FHIT: variants seen among roughly 807,000 people sequenced by gnomAD.
FHIT encodes the protein bis(5'-adenosyl)-triphosphatase.
A neutral mutation model predicts 17.9 loss-of-function variants in FHIT; 19 were observed. That is an observed-to-expected ratio of 1.06 (90% confidence interval 0.74 to 1.56). FHIT has a LOEUF of 1.56. FHIT is among the 40% of genes most tolerant of loss of function. FHIT has a pLI of 0.00. For missense variants in FHIT, 248 were observed against 189.2 expected (o/e 1.31, Z -1.82); for synonymous variants, 81 against 69.7 (o/e 1.16, Z -0.81).
intron 5 of FHIT, chr3:60,077,331 G>C (rs1703056811): frequency 1.3e-5 from 2 of 151,874 alleles, no homozygotes; most frequent in Non-Finnish European, 2.9e-5. Context: ...TACTCACAGA[G>C]AGGCTGAAGC....
intron 8 of FHIT, among the ~76,000 whole-genome samples, chr3:59,805,385 A>G (rs1407002255): frequency 2.6e-5 from 4 of 152,204 alleles, no homozygotes; most frequent in African/African-American, 9.6e-5. Flanking sequence ...AGCTAAAGGA[A>G]TGTGAGAAGG....
rs529168163 is a variant in FHIT, at chr3:59,780,758, G to A, written c.349-28437C>T. On this transcript the variant is annotated intron_variant, in intron 8 of 9. Coordinates refer to ENST00000492590, the MANE Select transcript of FHIT (RefSeq NM_002012.4). ...GAAGCAGGGTCCTAACCAACACCCC[G>A]ACCATGTTAGCGCCCTGATATTGGA... Among the ~76,000 whole-genome samples the A allele has an allele frequency of 3.9e-5, 6 of 152,238 alleles. No individual in the cohort carries two copies. In the South Asian group the frequency reaches 1.0e-3, roughly 26 times the overall value.
chr3:61,019,293 G>A lies in FHIT; in HGVS notation c.-111+22754C>T, dbSNP rs17064316. Among the ~76,000 whole-genome samples the A allele has an allele frequency of 9.4e-3, 1,425 of 152,214 alleles. 17 individuals carry two copies. The highest frequency in any genetic ancestry group is 0.032 in the African/African-American group (1,333 of 41,518). On this transcript the variant is annotated intron_variant, in intron 3 of 9. Transcript: ENST00000492590. ...TTGGTTATAAAGAATTATATTAGTC[G>A]GGTTTAAAACGTATTTGGAAAGTTC... is the stretch of plus-strand genomic sequence containing the variant.
At chr3:60,521,983 CA>C (rs143552355) in intron 5 of FHIT, among the ~76,000 whole-genome samples, 2,256 of 151,684 alleles carry the variant, frequency 0.015, 20 homozygotes, top group Middle Eastern at 0.031. Context: ...TAAGTGATGA[CA>C]AGGGAACAGG....
rs139339409 is a variant in FHIT, at chr3:61,049,658, A to G, written c.-163-7559T>C. On this transcript the variant is annotated intron_variant, in intron 2 of 9. Transcript: ENST00000492590. Reference sequence around the variant, plus strand: ...AAGTATTCTTGCCTAAAAAATCTCTATAAAATCTAGCCAAGACTCCAGACT... The same window carrying G: ...AAGTATTCTTGCCTAAAAAATCTCTGTAAAATCTAGCCAAGACTCCAGACT... Among the ~76,000 whole-genome samples the G allele has an allele frequency of 8.5e-5, 13 of 152,264 alleles. No homozygotes were observed. In the East Asian group the frequency reaches 1.7e-3, roughly 20 times the overall value.
At chr3:60,633,129 A>G (rs540062370) in intron 4 of FHIT, among the ~76,000 whole-genome samples, 1 of 152,372 alleles carries the variant, frequency 6.6e-6, no homozygotes, top group Admixed American at 6.5e-5. Context: ...TAAGAAATAA[A>G]TAACCTTCAA....
chr3:60,667,092 A>G (rs1194147104), intron 4 of FHIT, among the ~76,000 whole-genome samples: 2 of 134,510 alleles, frequency 1.5e-5, no homozygotes, highest in African/African-American at 3.0e-5. Flanking sequence ...GCTGGTCTTG[A>G]ACTCCTGAGC....
chr3:61,166,414 C>T (rs2037840184), intron 2 of FHIT, among the ~76,000 whole-genome samples: 1 of 152,214 alleles, frequency 6.6e-6, no homozygotes, highest in Non-Finnish European at 1.5e-5. Flanking sequence ...GAAACAAACA[C>T]TCACCAGACA....
chr3:60,863,091 G>T (rs34220367), intron 3 of FHIT, among the ~76,000 whole-genome samples: 30,329 of 152,072 alleles, frequency 0.2, 3,237 homozygotes, highest in Middle Eastern at 0.27. Context: ...GAGCTATGCT[G>T]CAGAGGGAAA....
intron 9 of FHIT, chr3:59,751,905 C>T: frequency 3.4e-6 from 1 of 291,170 alleles, no homozygotes; most frequent in Non-Finnish European, 6.4e-6. Flanking sequence ...AGAAGTTGTG[C>T]ATGACAGAAG....
intron 5 of FHIT, among the ~76,000 whole-genome samples, chr3:60,379,996 G>A (rs566028476): frequency 6.6e-6 from 1 of 152,236 alleles, no homozygotes; most frequent in Non-Finnish European, 1.5e-5. Context: ...CTAAAATTTA[G>A]ACAGGAGGTT....
At chr3:60,544,249 T>C (rs2107612586) in intron 4 of FHIT, among the ~76,000 whole-genome samples, 1 of 151,618 alleles carries the variant, frequency 6.6e-6, no homozygotes, top group South Asian at 2.1e-4. Flanking sequence ...TTAAACTTCT[T>C]TTTTTTTGTA....
rs144373361 is a variant in FHIT at position 60,019,505 on chromosome 3, G to A, written c.104-5353C>T. ...ACAATCTCAGCTCAGTGCAACCTCT[G>A]CTTCCTGGGTTCAAGTGATTCTCCT... On this transcript the variant is annotated intron_variant, in intron 5 of 9. Transcript: ENST00000492590. Among the ~76,000 whole-genome samples, 894 of 147,990 alleles carry A rather than the reference G, an allele frequency of 6.0e-3. 13 individuals are homozygous for A. The highest frequency in any genetic ancestry group is 0.021 in the African/African-American group (853 of 40,026).
intron 5 of FHIT, among the ~76,000 whole-genome samples, chr3:60,137,345 C>T (rs2107287278): frequency 6.6e-6 from 1 of 152,274 alleles, no homozygotes; most frequent in Admixed American, 6.5e-5. Context: ...CCCAGGAACA[C>T]ACAATGCATT....
chr3:60,256,109 A>G (rs1388748639), intron 5 of FHIT, among the ~76,000 whole-genome samples: 1 of 152,126 alleles, frequency 6.6e-6, no homozygotes, highest in Non-Finnish European at 1.5e-5. Context: ...CATTGATCTT[A>G]CCAGTGGCTC....
At chr3:60,301,916 A>G (rs1708472175) in intron 5 of FHIT, among the ~76,000 whole-genome samples, 1 of 152,130 alleles carries the variant, frequency 6.6e-6, no homozygotes, top group Admixed American at 6.6e-5. Context: ...TGCTAAATAT[A>G]CATCCTGTCA....
intron 5 of FHIT, among the ~76,000 whole-genome samples, chr3:60,207,127 C>G (rs1470685425): frequency 6.6e-6 from 1 of 151,820 alleles, no homozygotes; most frequent in East Asian, 1.9e-4. Context: ...CAGCAAAGTG[C>G]TATTTCAAAT....
At chr3:60,351,208 A>C (rs1699378006) in intron 5 of FHIT, among the ~76,000 whole-genome samples, 1 of 152,366 alleles carries the variant, frequency 6.6e-6, no homozygotes, top group African/African-American at 2.4e-5. Flanking sequence ...AAACTAATAC[A>C]AGGGGCCTAC....
intron 5 of FHIT, among the ~76,000 whole-genome samples, chr3:60,375,651 C>T (rs958750558): frequency 6.6e-6 from 1 of 152,050 alleles, no homozygotes; most frequent in South Asian, 2.1e-4. Flanking sequence ...AGTAGCAATA[C>T]CATTCTGTGA....
Sources: allele counts gnomAD v4.1 joint callset (sites outside exome capture counted in the v4.1 genomes callset), GRCh38; gene constraint gnomAD v4.1.1; transcripts MANE v1.5; gene names NCBI Gene and HGNC (gene_info 2026-07-23, HGNC 2026-07-21).